Variants in ANK2 observed in about 807,000 individuals in gnomAD.
ANK2 encodes the protein ankyrin 2.
In ANK2, 83 loss-of-function variants were observed where a neutral mutation model predicts 360.5. The observed-to-expected ratio is 0.23, with a 90% confidence interval of 0.19 to 0.28. The LOEUF (loss-of-function observed/expected upper bound fraction) is 0.28. Among genes scored for constraint, ANK2 ranks in the 10% least tolerant of loss-of-function variants. The probability of loss-of-function intolerance (pLI) is 1.00; values close to 1 mark genes in which losing one functional copy is unlikely to be tolerated. For synonymous variants in ANK2, 1,740 were observed against 1,759.5 expected (o/e 0.99, Z 0.28); for missense variants, 4,201 against 4,795.7 (o/e 0.88, Z 3.66).
chr4:113,115,235 G>A (rs937050704), intron 1 of ANK2, among the ~76,000 whole-genome samples: 5 of 152,172 alleles, frequency 3.3e-5, no homozygotes, highest in Admixed American at 2.0e-4. Context: ...CAGAAAGCCT[G>A]AATGACTATG....
At chr4:112,960,735 C>T (rs1005673444) in intron 2 of ANK2, among the ~76,000 whole-genome samples, 1 of 152,034 alleles carries the variant, frequency 6.6e-6, no homozygotes, top group Non-Finnish European at 1.5e-5. Flanking sequence ...CCATCATTTT[C>T]CTCAACTACA....
At chr4:112,776,320 T>C in the ANK2 span, among the ~76,000 whole-genome samples, 1 of 152,248 alleles carries the variant, frequency 6.6e-6, no homozygotes, top group Non-Finnish European at 1.5e-5. Flanking sequence ...AAATGCTTAT[T>C]TACTGAATTG....
At chr4:112,859,709 T>A (rs2067384589) in intron 1 of ANK2, among the ~76,000 whole-genome samples, 1 of 152,244 alleles carries the variant, frequency 6.6e-6, no homozygotes, top group African/African-American at 2.4e-5. Context: ...GCCTTGTCAC[T>A]TAGCTGTGAC....
the ANK2 span, among the ~76,000 whole-genome samples, chr4:112,768,497 G>A: frequency 2.6e-5 from 4 of 151,610 alleles, no homozygotes; most frequent in Non-Finnish European, 4.4e-5. Flanking sequence ...CAAGCAATCC[G>A]CCCACCGAGG....
chr4:112,896,648 C>G (rs76487328), intron 1 of ANK2, among the ~76,000 whole-genome samples: 1 of 152,128 alleles, frequency 6.6e-6, no homozygotes, highest in Non-Finnish European at 1.5e-5. Flanking sequence ...TGCTAAGGAA[C>G]GAGGTTAAAG....
chr4:113,127,321 A>G (rs2095716767), intron 1 of ANK2, among the ~76,000 whole-genome samples: 2 of 152,276 alleles, frequency 1.3e-5, no homozygotes, highest in Middle Eastern at 3.4e-3. Context: ...TTAAATTGAG[A>G]GATAAAGATT....
At chr4:112,881,794 G>A in intron 1 of ANK2, 1 of 862,898 alleles carries the variant, frequency 1.2e-6, no homozygotes, top group Non-Finnish European at 1.9e-6. Flanking sequence ...TTTAGTTGAT[G>A]TTCTTCAGTG....
chr4:112,796,570 G>A, the ANK2 span, among the ~76,000 whole-genome samples: 121 of 150,728 alleles, frequency 8.0e-4, 1 homozygote, highest in East Asian at 0.023. Flanking sequence ...GGCTGGTCTC[G>A]AACTTCTGGC....
intron 2 of ANK2, among the ~76,000 whole-genome samples, chr4:112,934,157 TA>T (rs2093521555): frequency 6.6e-6 from 1 of 152,066 alleles, no homozygotes; most frequent in South Asian, 2.1e-4. Flanking sequence ...TATGAGAGAA[TA>T]AATTAGAAGG....
At chr4:112,849,363 G>T (rs1210208531) in intron 1 of ANK2, among the ~76,000 whole-genome samples, 1 of 152,048 alleles carries the variant, frequency 6.6e-6, no homozygotes, top group Non-Finnish European at 1.5e-5. Context: ...TCCAAAGTTT[G>T]AAATCTTGAA....
chr4:113,218,451 C>CAAAAAAAA (rs36042626), intron 4 of ANK2, among the ~76,000 whole-genome samples: 1 of 134,442 alleles, frequency 7.4e-6, no homozygotes, highest in African/African-American at 2.7e-5. Context: ...ATTAAATGAC[C>CAAAAAAAA]AAAAAAAAAA....
chr4:112,739,425 C>T, the ANK2 span, among the ~76,000 whole-genome samples: 1 of 152,088 alleles, frequency 6.6e-6, no homozygotes, highest in African/African-American at 2.4e-5. Context: ...ACCAGCCTGG[C>T]CAACATGGTG....
At position 113,341,659 on chromosome 4, in the gene ANK2, T is replaced by C. The variant is rs763920442; in HGVS notation, c.3894-29T>C. On this transcript the variant is annotated intron_variant, in intron 32 of 45. Coordinates refer to ENST00000357077, the MANE Select transcript of ANK2 (RefSeq NM_001148.6). ...TTTTCACATGGTATACTTTGAACTT[T>C]AGATAACTGACTTTATTTATTTTAA... is the stretch of plus-strand genomic sequence containing the variant. The C allele has an allele frequency of 2.5e-6, 4 of 1,608,588 alleles. No individual in the cohort carries two copies. The South Asian group carries it at 4.4e-5, about 18-fold the overall frequency.
intron 7 of ANK2, among the ~76,000 whole-genome samples, chr4:113,240,090 A>C (rs191970930): frequency 4.0e-4 from 61 of 152,266 alleles, no homozygotes; most frequent in Admixed American, 3.5e-3. Context: ...GTTTCTTTGA[A>C]TCTTCTCTGA....
Position 113,360,917 on chromosome 4 carries a change from G to A in ANK2, c.10756+20G>A, listed in dbSNP as rs2096176087. The A allele has an allele frequency of 6.2e-7, 1 of 1,607,590 alleles. No homozygotes were observed. The highest frequency in any genetic ancestry group is 2.2e-5 in the East Asian group (1 of 44,616). On this transcript the variant is annotated intron_variant, in intron 39 of 45. Transcript: ENST00000357077. The stretch of plus-strand genomic sequence containing the variant: ...GGACAGGTAAAAAGAATGTGACCCA[G>A]GTTTTCAACAAAACCTGACATAGAT...
At chr4:113,151,217 C>A in intron 1 of ANK2, 3 of 1,051,070 alleles carry the variant, frequency 2.9e-6, no homozygotes, top group Non-Finnish European at 3.8e-6. Flanking sequence ...AAGGAATGTA[C>A]CCTTACTGCA....
intron 20 of ANK2, among the ~76,000 whole-genome samples, chr4:113,290,171 GTT>G (rs60417827): frequency 3.6e-5 from 4 of 110,054 alleles, no homozygotes; most frequent in Admixed American, 1.8e-4. Flanking sequence ...AGTTTTTTTT[GTT>G]TTTTTTTTTT....
chr4:113,035,033 A>G (rs2154307288), intron 2 of ANK2, among the ~76,000 whole-genome samples: 1 of 151,858 alleles, frequency 6.6e-6, no homozygotes, highest in South Asian at 2.1e-4. Context: ...CTTGACATCT[A>G]CCTTCCATTT....
chr4:112,947,145 C>T lies in ANK2; in HGVS notation c.21+42631C>T, dbSNP rs906126009. ...TTCTCTTTGGGGGTAGGAACCATAA[C>T]TAAACAGTTATTTAACCCCCATTAT... On this transcript the variant is annotated intron_variant, in intron 2 of 30. Transcript: ENST00000503271. Among the ~76,000 whole-genome samples, 5 of 152,156 alleles carry T rather than the reference C, an allele frequency of 3.3e-5. No homozygotes were observed. In the East Asian group the frequency reaches 5.8e-4, roughly 18 times the overall value.
Sources: gnomAD v4.1 joint callset for allele counts (sites outside exome capture counted in the v4.1 genomes callset) on GRCh38, gnomAD v4.1.1 for gene constraint, MANE v1.5 for transcripts, NCBI Gene and HGNC (gene_info 2026-07-23, HGNC 2026-07-21) for gene names.